The following SEL1L2 variants were observed in gnomAD, a reference collection of about 807,000 sequenced individuals.
The protein encoded by SEL1L2 is SEL1L2 adaptor subunit of SYVN1 ubiquitin ligase, also known as protein sel-1 homolog 2.
SEL1L2 carries 89 observed loss-of-function variants against 98.8 expected under a neutral mutation model. The observed-to-expected ratio is 0.90, with a 90% CI of 0.76 to 1.07. The LOEUF (loss-of-function observed/expected upper bound fraction) is 1.07. SEL1L2 is among the 50% of genes least tolerant of loss of function. The pLI is 0.00. For synonymous variants in SEL1L2, 262 were observed against 278.5 expected (o/e 0.94, Z 0.59); for missense variants, 788 against 812.0 (o/e 0.97, Z 0.36).
intron 1 of SEL1L2, among the ~76,000 whole-genome samples, chr20:13,981,225 AGAGCAAAACTCCACAACCC>A (rs1380693961): frequency 1.3e-5 from 2 of 152,144 alleles, no homozygotes; most frequent in African/African-American, 4.8e-5. Flanking sequence ...CTGGGCAACG[AGAGCAAAACTCCACAACCC>A]CCCTAAAAAA....
Position 13,860,945 on chromosome 20 carries a change from C to T in SEL1L2, c.1646-1511G>A, listed in dbSNP as rs1014887512. ...TCTTCCCTGTCTCAGTACAGCACCC[C>T]CATTGTTCAGGCCATAAGTCTAGGG... On this transcript the variant is annotated intron_variant, in intron 17 of 19. Coordinates refer to ENST00000284951, the MANE Select transcript of SEL1L2 (RefSeq NM_025229.2). 3.9e-5 allele frequency among the ~76,000 whole-genome samples: 6 copies of T among 152,222 alleles called. No individual in the cohort carries two copies. In the South Asian group the frequency reaches 1.0e-3, roughly 26 times the overall value.
rs1198276860 is a variant in SEL1L2, at chr20:13,870,652, G to T, written c.1105-449C>A. 2.6e-5 allele frequency among the ~76,000 whole-genome samples: 4 copies of T among 152,300 alleles called. No homozygotes were observed. In the East Asian group the frequency reaches 7.7e-4, roughly 29 times the overall value. ...TTGAAATAGATTGAGGCCGGGCATG[G>T]TGGCCCATGCCTGTAATCCCAGCAC... On this transcript the variant is annotated intron_variant, in intron 12 of 19. Transcript: ENST00000284951.
chr20:13,862,325 G>A (rs1170127905), intron 17 of SEL1L2, among the ~76,000 whole-genome samples: 1 of 152,164 alleles, frequency 6.6e-6, no homozygotes, highest in Non-Finnish European at 1.5e-5. Context: ...TCCCCTTGGG[G>A]TCTATGTTCC....
intron 17 of SEL1L2, among the ~76,000 whole-genome samples, chr20:13,864,476 C>T (rs991190552): frequency 2.6e-5 from 4 of 152,134 alleles, no homozygotes; most frequent in African/African-American, 9.7e-5. Flanking sequence ...TATTTCTCTG[C>T]TTTTAATAAT....
chr20:13,944,731 T>C (rs988510694), intron 2 of SEL1L2, among the ~76,000 whole-genome samples: 2 of 152,234 alleles, frequency 1.3e-5, no homozygotes, highest in Admixed American at 6.5e-5. Flanking sequence ...ATAGAATTGC[T>C]CTTCAAACTG....
intron 5 of SEL1L2, among the ~76,000 whole-genome samples, chr20:13,892,849 G>T (rs1386341598): frequency 6.6e-6 from 1 of 152,210 alleles, no homozygotes; most frequent in Non-Finnish European, 1.5e-5. Flanking sequence ...GATATTCCAT[G>T]TGTCAAATTA....
At chr20:13,881,552 A>C (rs1019666204) in intron 10 of SEL1L2, among the ~76,000 whole-genome samples, 11 of 152,236 alleles carry the variant, frequency 7.2e-5, no homozygotes, top group African/African-American at 2.7e-4. Flanking sequence ...AATGCAAATA[A>C]AATTAAAATC....
At chr20:13,950,483 A>G (rs2050211599) in intron 2 of SEL1L2, among the ~76,000 whole-genome samples, 1 of 152,184 alleles carries the variant, frequency 6.6e-6, no homozygotes, top group Non-Finnish European at 1.5e-5. Context: ...ATGAGCAGTA[A>G]AAAGGGCAAA....
rs991658488 is a variant in SEL1L2, at chr20:13,849,511, A to G, written c.2041T>C (p.Leu681=). ...TACCCATGGTGATTTCTAAGCAACA[A>G]AATCAGCCCAGGAACAATGAGGCCA... ...VIGLIVPGLI[L]LLRNHHG is the part of the protein sequence containing the mutation. The change falls in exon 20 of 20, where the codon TTG becomes CTG. Residue 681 remains leucine, a synonymous_variant. Coordinates refer to ENST00000284951, the MANE Select transcript of SEL1L2 (RefSeq NM_025229.2). 19 of 1,613,992 alleles carry G rather than the reference A, an allele frequency of 1.2e-5. No homozygotes were observed. The Admixed American group carries it at 1.5e-4, about 13-fold the overall frequency.
rs77483140 is a variant in SEL1L2 at position 13,942,073 on chromosome 20, G to T, written c.115-10302C>A. On this transcript the variant is annotated intron_variant, in intron 2 of 19. Coordinates refer to ENST00000284951, the MANE Select transcript of SEL1L2 (RefSeq NM_025229.2). Reference sequence around the variant, plus strand: ...AGGAAATGAAAAGTAAGAGCTTATAGAAGGCATCAGTGAGGACAATAAAAG... The same window carrying T: ...AGGAAATGAAAAGTAAGAGCTTATATAAGGCATCAGTGAGGACAATAAAAG... Among the ~76,000 whole-genome samples, 1,435 of 152,302 alleles carry T rather than the reference G, an allele frequency of 9.4e-3. 16 individuals are homozygous for T. The highest frequency in any genetic ancestry group is 0.014 in the Non-Finnish European group (920 of 68,024).
upstream of SEL1L2, among the ~76,000 whole-genome samples, chr20:13,994,274 G>C (rs1017006846): frequency 7.7e-6 from 1 of 130,260 alleles, no homozygotes; most frequent in African/African-American, 2.9e-5. Flanking sequence ...CCAGCTGGGG[G>C]ACAAGAGTGA....
intron 2 of SEL1L2, among the ~76,000 whole-genome samples, chr20:13,944,592 T>C (rs1008472926): frequency 1.3e-5 from 2 of 152,154 alleles, no homozygotes; most frequent in African/African-American, 4.8e-5. Context: ...AGTTCAGTAG[T>C]CAACATGTCA....
At chr20:13,913,109 G>A (rs2048270884) in intron 5 of SEL1L2, among the ~76,000 whole-genome samples, 1 of 152,126 alleles carries the variant, frequency 6.6e-6, no homozygotes, top group South Asian at 2.1e-4. Context: ...ATCTCTGGGG[G>A]GAAAGCTTTT....
chr20:13,924,248 T>C (rs1472128819), intron 3 of SEL1L2, among the ~76,000 whole-genome samples: 2 of 152,042 alleles, frequency 1.3e-5, no homozygotes, highest in East Asian at 1.9e-4. Flanking sequence ...TCTTTCAATC[T>C]AAGAGTATCT....
At chr20:13,908,103 C>CTTTTTTTTT (rs71188195) in intron 5 of SEL1L2, among the ~76,000 whole-genome samples, 2 of 26,724 alleles carry the variant, frequency 7.5e-5, no homozygotes, top group African/African-American at 3.2e-4. Flanking sequence ...TTTCTTGGTT[C>CTTTTTTTTT]TTTTTTTTTT....
At chr20:13,957,253 A>C (rs528444142) in intron 1 of SEL1L2, among the ~76,000 whole-genome samples, 34 of 152,028 alleles carry the variant, frequency 2.2e-4, no homozygotes, top group African/African-American at 7.7e-4. Flanking sequence ...GACATGCACC[A>C]CTGCCCCCAG....
chr20:13,990,464 CA>C lies in SEL1L2; in HGVS notation c.58+12del. ...AGACCCTCATAGAGAACTCTAAGGA[CA>C]AAAAAACTTACTTTTAATTGTGACC... On this transcript the variant is annotated intron_variant, in intron 1 of 19. Transcript: ENST00000284951. The C allele has an allele frequency of 1.3e-6, 2 of 1,595,146 alleles. No individual in the cohort carries two copies. Among genetic ancestry groups the C allele is most frequent in the Non-Finnish European group, 1.7e-6 (2 of 1,163,440 alleles).
intron 1 of SEL1L2, among the ~76,000 whole-genome samples, chr20:13,957,345 GC>G: frequency 1.3e-5 from 2 of 152,214 alleles, no homozygotes; most frequent in South Asian, 4.1e-4. Flanking sequence ...CAGGTGATCT[GC>G]CTGCCTCAGC....
At chr20:13,960,611 G>A (rs2050734195) in intron 1 of SEL1L2, among the ~76,000 whole-genome samples, 2 of 152,082 alleles carry the variant, frequency 1.3e-5, no homozygotes, top group African/African-American at 2.4e-5. Context: ...TTGGCTACTA[G>A]GGAAAACATT....
Sources: allele counts gnomAD v4.1 joint callset (sites outside exome capture counted in the v4.1 genomes callset), GRCh38; gene constraint gnomAD v4.1.1; transcripts MANE v1.5; gene names NCBI Gene and HGNC (gene_info 2026-07-23, HGNC 2026-07-21).